Variants in EFCAB6 observed in about 807,000 individuals in gnomAD.
EFCAB6 encodes the protein EF-hand calcium binding domain 6.
Under a neutral mutation model 169.8 loss-of-function variants are expected in EFCAB6, and 156 were observed. That is an observed-to-expected ratio of 0.92 (90% CI 0.81 to 1.05). The LOEUF (loss-of-function observed/expected upper bound fraction) is 1.05, where lower values mean the gene tolerates loss of function less well. Ranked by LOEUF, EFCAB6 falls within the 50% of genes least tolerant of loss-of-function variation. EFCAB6 has a pLI of 0.00. For synonymous variants in EFCAB6, 698 were observed against 676.4 expected (o/e 1.03, Z -0.50); for missense variants, 1,800 against 1,829.1 (o/e 0.98, Z 0.29).
Position 43,534,697 on chromosome 22 carries a change from T to C in EFCAB6, c.4224A>G (p.Ala1408=). ...SLMHRMKIQN[A]HKMKEAGAET... is the part of the protein sequence containing the mutation. ...CAGGTGGGCAACATACCATCTTGTG[T>C]GCATTCTGGATCTTCATCCTGTGCA... Residue 1408 remains alanine, a synonymous_variant, in exon 30 of 32, where the codon GCA becomes GCG. Transcript: ENST00000262726. The C allele has an allele frequency of 6.2e-7, 1 of 1,605,872 alleles. No individual in the cohort carries two copies. The highest frequency in any genetic ancestry group is 1.1e-5 in the South Asian group (1 of 89,064).
intron 22 of EFCAB6, among the ~76,000 whole-genome samples, chr22:43,604,352 C>G (rs1356041152): frequency 1.3e-5 from 2 of 152,116 alleles, no homozygotes; most frequent in Non-Finnish European, 2.9e-5. Flanking sequence ...CAAATTCCAC[C>G]CATTACTCTC....
At chr22:43,610,413 C>T (rs1005837316) in intron 21 of EFCAB6, among the ~76,000 whole-genome samples, 1 of 152,158 alleles carries the variant, frequency 6.6e-6, no homozygotes, top group Non-Finnish European at 1.5e-5. Flanking sequence ...CAATAAATGA[C>T]CAAGTGAATA....
intron 17 of EFCAB6, among the ~76,000 whole-genome samples, chr22:43,651,202 T>A (rs948895105): frequency 3.3e-5 from 5 of 152,100 alleles, no homozygotes; most frequent in African/African-American, 1.2e-4. Context: ...GAAAAAGCAG[T>A]TTCATAGGCT....
At chr22:43,550,895 C>A (rs1303801979) in intron 27 of EFCAB6, among the ~76,000 whole-genome samples, 2 of 152,126 alleles carry the variant, frequency 1.3e-5, no homozygotes, top group African/African-American at 4.8e-5. Flanking sequence ...CCATTTCCAA[C>A]TCATGCACTC....
intron 11 of EFCAB6, 130 bp downstream of exon 11, chr22:43,687,341 T>C (rs983993324): frequency 3.3e-5 from 19 of 581,442 alleles, no homozygotes; most frequent in Non-Finnish European, 5.2e-5. Context: ...TATATAAAAG[T>C]TGGCAATTAT....
chr22:43,775,459 T>TATTG (rs2061608908), intron 3 of EFCAB6, among the ~76,000 whole-genome samples: 1 of 152,032 alleles, frequency 6.6e-6, no homozygotes, highest in Non-Finnish European at 1.5e-5. Flanking sequence ...TTTATTTATT[T>TATTG]ATTGAGATGG....
At chr22:43,535,037 T>A (rs2047305635) in intron 29 of EFCAB6, 165 bp from the exon 30 acceptor site, 2 of 683,108 alleles carry the variant, frequency 2.9e-6, no homozygotes, top group Non-Finnish European at 4.8e-6. Flanking sequence ...GAGACAGACA[T>A]GTGACAAACT....
chr22:43,758,911 G>C (rs2061051537), intron 5 of EFCAB6, among the ~76,000 whole-genome samples: 1 of 152,086 alleles, frequency 6.6e-6, no homozygotes, highest in South Asian at 2.1e-4. Context: ...AAGATGTTTT[G>C]CAACAGGCTT....
chr22:43,799,363 A>G (rs934008811), intron 2 of EFCAB6, among the ~76,000 whole-genome samples: 15 of 152,010 alleles, frequency 9.9e-5, no homozygotes, highest in Non-Finnish European at 1.3e-4. Flanking sequence ...ACACACAAAC[A>G]TGTACAATAT....
intron 27 of EFCAB6, among the ~76,000 whole-genome samples, chr22:43,550,718 C>T (rs376330742): frequency 1.3e-5 from 2 of 152,012 alleles, no homozygotes; most frequent in South Asian, 2.1e-4. Context: ...GTTCCTTTCC[C>T]TAATACATCT....
intron 10 of EFCAB6, among the ~76,000 whole-genome samples, chr22:43,691,745 T>C (rs1477044604): frequency 6.6e-6 from 1 of 152,146 alleles, no homozygotes; most frequent in African/African-American, 2.4e-5. Flanking sequence ...ATACTAAAAT[T>C]TGACTTCTTC....
intron 27 of EFCAB6, chr22:43,552,877 C>G (rs899128836): frequency 6.6e-6 from 1 of 152,114 alleles, no homozygotes; most frequent in African/African-American, 2.4e-5. Flanking sequence ...GTATTAATTT[C>G]AAAGGCTTAT....
intron 17 of EFCAB6, among the ~76,000 whole-genome samples, chr22:43,666,900 C>T (rs2057286459): frequency 1.3e-5 from 2 of 151,630 alleles, no homozygotes; most frequent in Non-Finnish European, 2.9e-5. Context: ...AAAAGCTGGC[C>T]ACATCCATAT....
At chr22:43,532,615 C>CT (rs746773801) in intron 30 of EFCAB6, among the ~76,000 whole-genome samples, 10 of 150,800 alleles carry the variant, frequency 6.6e-5, no homozygotes, top group Admixed American at 6.6e-5. Context: ...TTGGTCTAAG[C>CT]TTTTGATACT....
At chr22:43,807,970 C>T (rs748298386) in intron 2 of EFCAB6, among the ~76,000 whole-genome samples, 1 of 152,226 alleles carries the variant, frequency 6.6e-6, no homozygotes, top group Non-Finnish European at 1.5e-5. Context: ...TCCACCACAA[C>T]AACTTGCAAG....
At chr22:43,635,975 C>A (rs77017333) in intron 17 of EFCAB6, among the ~76,000 whole-genome samples, 2 of 152,170 alleles carry the variant, frequency 1.3e-5, no homozygotes, top group East Asian at 3.9e-4. Context: ...AGAAGGGATG[C>A]TGGGTGGATA....
At chr22:43,806,073 C>A (rs1010043611) in intron 2 of EFCAB6, among the ~76,000 whole-genome samples, 1 of 150,824 alleles carries the variant, frequency 6.6e-6, no homozygotes, top group African/African-American at 2.4e-5. Flanking sequence ...GGCTAAGGTA[C>A]AAGAATCGCT....
At chr22:43,608,064 T>C (rs1273045974) in intron 22 of EFCAB6, among the ~76,000 whole-genome samples, 1 of 152,216 alleles carries the variant, frequency 6.6e-6, no homozygotes, top group Non-Finnish European at 1.5e-5. Context: ...TTGTGCAGCA[T>C]TAATTTCCAT....
At position 43,628,031 on chromosome 22, in the gene EFCAB6, G is replaced by A. The variant is rs1426875297; in HGVS notation, c.2233-1352C>T. On this transcript the variant is annotated intron_variant, in intron 19 of 31. Transcript: ENST00000262726. The surrounding 1 kb of genome is among the most constrained non-coding windows in gnomAD (Gnocchi z 4.8). Reference sequence around the variant, plus strand: ...GCCCGAGGGGGCCTCCTGGGGTGCAGGCCCATCTGTTTCTTGATGATTCCC... The same window carrying A: ...GCCCGAGGGGGCCTCCTGGGGTGCAAGCCCATCTGTTTCTTGATGATTCCC... 1.3e-5 allele frequency among the ~76,000 whole-genome samples: 2 copies of A among 152,136 alleles called. No individual in the cohort carries two copies. Among genetic ancestry groups the A allele is most frequent in the African/African-American group, 4.8e-5 (2 of 41,416 alleles).
Sources: allele counts gnomAD v4.1 joint callset (sites outside exome capture counted in the v4.1 genomes callset), GRCh38; gene constraint gnomAD v4.1.1; non-coding constraint Gnocchi (gnomAD v3.1); transcripts MANE v1.5; gene names NCBI Gene and HGNC (gene_info 2026-07-23, HGNC 2026-07-21).